PSD3: variants seen among roughly 807,000 people sequenced by gnomAD.
PSD3 encodes the protein PH and SEC7 domain-containing protein 3.
A neutral mutation model predicts 105.5 loss-of-function variants in PSD3; 49 were observed. The ratio of observed to expected loss-of-function variants is 0.46; its 90% CI spans 0.37 to 0.59. PSD3 has a LOEUF of 0.59. PSD3 is among the 20% of genes least tolerant of loss of function. The probability of loss-of-function intolerance (pLI) is 0.00; values close to 1 mark genes in which losing one functional copy is unlikely to be tolerated. For synonymous variants in PSD3, 557 were observed against 457.8 expected, an observed-to-expected ratio of 1.22 and a Z score of -2.77; for missense variants, 1,561 against 1,263.8, an observed-to-expected ratio of 1.24 and a Z score of -3.57.
intron 11 of PSD3, among the ~76,000 whole-genome samples, chr8:18,614,795 AT>A (rs199990917): frequency 8.5e-5 from 8 of 93,610 alleles, no homozygotes; most frequent in East Asian, 5.1e-4. Context: ...TGCCTGGCTA[AT>A]TTTTTTTTTG....
chr8:18,875,636 A>T (rs1424684410), intron 2 of PSD3, among the ~76,000 whole-genome samples: 2 of 151,772 alleles, frequency 1.3e-5, no homozygotes, highest in Non-Finnish European at 2.9e-5. Flanking sequence ...TCCTGGATAC[A>T]CGCCATTCTC....
At chr8:18,704,393 A>G (rs749292257) in intron 9 of PSD3, among the ~76,000 whole-genome samples, 3 of 152,168 alleles carry the variant, frequency 2.0e-5, no homozygotes, top group Non-Finnish European at 4.4e-5. Flanking sequence ...GCTGGAGTGC[A>G]GTTGTGTGGT....
intron 8 of PSD3, among the ~76,000 whole-genome samples, chr8:18,781,209 T>C (rs544328164): frequency 8.1e-4 from 123 of 152,346 alleles, no homozygotes; most frequent in Non-Finnish European, 1.5e-3. Flanking sequence ...CTTAAGAGCA[T>C]GTACTTACCA....
At chr8:18,854,127 T>G (rs1158024958) in intron 4 of PSD3, 1 of 152,332 alleles carries the variant, frequency 6.6e-6, no homozygotes, top group Non-Finnish European at 1.5e-5. Flanking sequence ...GCCCATAATT[T>G]TGTCAGGAAT....
chr8:18,716,738 T>C (rs1346049320), intron 9 of PSD3, among the ~76,000 whole-genome samples: 2 of 152,232 alleles, frequency 1.3e-5, no homozygotes, highest in Non-Finnish European at 2.9e-5. Flanking sequence ...TATAAACTGT[T>C]CTCCATGCTT....
At chr8:19,039,451 C>T (rs1383251270) in intron 1 of PSD3, among the ~76,000 whole-genome samples, 1 of 152,180 alleles carries the variant, frequency 6.6e-6, no homozygotes, top group Non-Finnish European at 1.5e-5. Flanking sequence ...ACTTCATCTC[C>T]TCCTCCTGAC....
At chr8:18,978,331 A>G (rs1476595411) in intron 1 of PSD3, among the ~76,000 whole-genome samples, 2 of 152,248 alleles carry the variant, frequency 1.3e-5, no homozygotes, top group African/African-American at 4.8e-5. Flanking sequence ...TACTTCCAGA[A>G]AATCATTTTG....
chr8:18,726,050 C>T (rs1803313582), intron 9 of PSD3, among the ~76,000 whole-genome samples: 3 of 152,180 alleles, frequency 2.0e-5, no homozygotes, highest in Non-Finnish European at 4.4e-5. Flanking sequence ...TCAGCCAAGA[C>T]ACTAACCTCA....
At chr8:18,944,961 GT>G (rs1822771488) in intron 1 of PSD3, among the ~76,000 whole-genome samples, 1 of 152,012 alleles carries the variant, frequency 6.6e-6, no homozygotes, top group African/African-American at 2.4e-5. Flanking sequence ...AACAAAACTG[GT>G]TCCTTTCGAT....
intron 1 of PSD3, among the ~76,000 whole-genome samples, chr8:18,982,775 G>C (rs1314160059): frequency 2.0e-5 from 3 of 152,224 alleles, no homozygotes; most frequent in African/African-American, 7.2e-5. Context: ...TAGACGTCCT[G>C]TCATACAGGC....
chr8:18,851,134 C>CA (rs1815530302), intron 4 of PSD3, among the ~76,000 whole-genome samples: 1 of 152,074 alleles, frequency 6.6e-6, no homozygotes, highest in Non-Finnish European at 1.5e-5. Flanking sequence ...ATAAACAAAC[C>CA]AAAAAATCCA....
At chr8:18,590,673 T>C (rs1156351070) in intron 12 of PSD3, among the ~76,000 whole-genome samples, 1 of 152,150 alleles carries the variant, frequency 6.6e-6, no homozygotes, top group African/African-American at 2.4e-5. Context: ...TGCAGTGTTA[T>C]TTTATAAATG....
intron 12 of PSD3, among the ~76,000 whole-genome samples, chr8:18,581,792 T>C (rs772547623): frequency 1.3e-5 from 2 of 152,230 alleles, no homozygotes; most frequent in Non-Finnish European, 2.9e-5. Flanking sequence ...GCTATGTTTA[T>C]TTCTCACATA....
intron 1 of PSD3, among the ~76,000 whole-genome samples, chr8:19,006,355 C>T (rs11204015): frequency 0.27 from 40,327 of 150,530 alleles, 6,377 homozygotes; most frequent in East Asian, 0.41. Context: ...TACACACTCA[C>T]ACATACTATG....
chr8:18,790,264 A>G (rs1809573390), intron 8 of PSD3, among the ~76,000 whole-genome samples: 1 of 151,294 alleles, frequency 6.6e-6, no homozygotes, highest in Non-Finnish European at 1.5e-5. Flanking sequence ...TCAATTTACA[A>G]TTCATCATTT....
At chr8:18,801,762 A>G (rs914144096) in intron 6 of PSD3, among the ~76,000 whole-genome samples, 2 of 152,042 alleles carry the variant, frequency 1.3e-5, no homozygotes, top group East Asian at 1.9e-4. Flanking sequence ...CAGGAGGCGG[A>G]GGTTGCAGTA....
At chr8:18,705,326 G>C (rs142149814) in intron 9 of PSD3, among the ~76,000 whole-genome samples, 1 of 152,020 alleles carries the variant, frequency 6.6e-6, no homozygotes, top group Admixed American at 6.6e-5. Flanking sequence ...TCAGTAGTTC[G>C]AGATCAGCCA....
At chr8:18,970,950 C>A (rs1257632319) in intron 1 of PSD3, among the ~76,000 whole-genome samples, 1 of 150,832 alleles carries the variant, frequency 6.6e-6, no homozygotes, top group Non-Finnish European at 1.5e-5. Flanking sequence ...CTGCACTCCA[C>A]CCTAAGTAAA....
At chr8:18,876,491 A>C (rs1817742303) in intron 2 of PSD3, among the ~76,000 whole-genome samples, 1 of 152,108 alleles carries the variant, frequency 6.6e-6, no homozygotes, top group Non-Finnish European at 1.5e-5. Context: ...GGCTCAAGCC[A>C]TTCTCCCACC....
Sources: allele counts gnomAD v4.1 joint callset (sites outside exome capture counted in the v4.1 genomes callset), GRCh38; gene constraint gnomAD v4.1.1; transcripts MANE v1.5; gene names NCBI Gene and HGNC (gene_info 2026-07-23, HGNC 2026-07-21).